The following POR variants were observed in gnomAD, a reference collection of about 807,000 sequenced individuals.
The protein encoded by POR is cytochrome p450 oxidoreductase, also known as NADPH--cytochrome P450 reductase.
Under a neutral mutation model 84.0 loss-of-function variants are expected in POR, and 56 were observed. The observed-to-expected ratio is 0.67, with a 90% confidence interval of 0.54 to 0.83. The LOEUF (loss-of-function observed/expected upper bound fraction) is 0.83. Among genes scored for constraint, POR ranks in the 40% least tolerant of loss-of-function variants. POR has a pLI of 0.00. For missense variants in POR, 938 were observed against 944.3 expected, an observed-to-expected ratio of 0.99 and a Z score of 0.09; for synonymous variants, 414 against 400.5, an observed-to-expected ratio of 1.03 and a Z score of -0.40.
intron 1 of POR, among the ~76,000 whole-genome samples, chr7:75,946,567 C>A (rs1787182982): frequency 1.3e-5 from 2 of 152,238 alleles, no homozygotes; most frequent in Admixed American, 1.3e-4. Context: ...AGATTAAAGG[C>A]ATGAGCCACT....
At chr7:75,958,794 C>T (rs1554554106) in intron 2 of POR, among the ~76,000 whole-genome samples, 1 of 128,150 alleles carries the variant, frequency 7.8e-6, no homozygotes. Flanking sequence ...GCCTGAGCAA[C>T]ATAGGGAGAC....
intron 2 of POR, among the ~76,000 whole-genome samples, chr7:75,954,418 G>A (rs979786577): frequency 3.3e-5 from 5 of 152,282 alleles, no homozygotes; most frequent in African/African-American, 4.8e-5. Flanking sequence ...GAAGCACTGC[G>A]AAAATGACAC....
chr7:75,917,383 C>CTTTTTTTTTTTTTTTTTTTTTTTTTTTTT (rs373478392), intron 1 of POR, among the ~76,000 whole-genome samples: 1 of 115,262 alleles, frequency 8.7e-6, no homozygotes, highest in Non-Finnish European at 1.6e-5. Context: ...ATTTCTTCTT[C>CTTTTTTTTTTTTTTTTTTTTTTTTTTTTT]TTTTTTTTTT....
At chr7:75,967,675 G>A (rs868957588) in intron 2 of POR, among the ~76,000 whole-genome samples, 4 of 151,720 alleles carry the variant, frequency 2.6e-5, no homozygotes, top group South Asian at 2.1e-4. Flanking sequence ...CGGGGAGGGC[G>A]TGGGGAGAAG....
At position 75,983,726 on chromosome 7, in the gene POR, A is replaced by G. The variant is rs1789214529; in HGVS notation, c.948-12A>G. On this transcript the variant is annotated splice_polypyrimidine_tract_variant and intron_variant, in intron 9 of 15. Transcript: ENST00000461988. ...GCCTTCCGCCCCTCCCGAGCCTCACATCTCCCTCCAGGTATGAATCTGGGG... is the reference window on the plus strand; with the variant it reads ...GCCTTCCGCCCCTCCCGAGCCTCACGTCTCCCTCCAGGTATGAATCTGGGG... The G allele has an allele frequency of 1.2e-6, 2 of 1,611,154 alleles. No individual in the cohort carries two copies. The highest frequency in any genetic ancestry group is 1.7e-6 in the Non-Finnish European group (2 of 1,178,840).
In POR at chr7:75,924,401, G is replaced by A. The variant is rs560850719; in HGVS notation, c.-5+9222G>A. ...ATTTGTTTATTTTAAAAATCCTAGGGCCTGGCACAGTGGCTCATGCTTATA... is the reference window on the plus strand; with the variant it reads ...ATTTGTTTATTTTAAAAATCCTAGGACCTGGCACAGTGGCTCATGCTTATA... On this transcript the variant is annotated intron_variant, in intron 1 of 15. Coordinates refer to ENST00000461988, the MANE Select transcript of POR (RefSeq NM_000941.3). 9.8e-5 allele frequency among the ~76,000 whole-genome samples: 15 copies of A among 152,286 alleles called. No individual in the cohort carries two copies. In the East Asian group the frequency reaches 2.9e-3, roughly 29 times the overall value.
At chr7:75,970,268 A>G (rs1481734763) in intron 2 of POR, among the ~76,000 whole-genome samples, 6 of 152,116 alleles carry the variant, frequency 3.9e-5, no homozygotes, top group Admixed American at 3.3e-4. Context: ...CGGGCCCCAC[A>G]TGTACCACTT....
At chr7:75,981,954 C>G in intron 7 of POR, 1 of 569,080 alleles carries the variant, frequency 1.8e-6, no homozygotes, top group African/African-American at 1.9e-5. Flanking sequence ...GGGTGCTGCC[C>G]GGGCTTCCTT....
At chr7:75,968,210 G>A (rs1554555599) in intron 2 of POR, 1 of 465,512 alleles carries the variant, frequency 2.1e-6, no homozygotes, top group Admixed American at 2.3e-5. Context: ...ACTCGAGTGT[G>A]GGAGACTTCC....
chr7:75,983,689 G>C (rs782133385), intron 9 of POR, 49 bp from the exon 10 acceptor site: 1 of 1,607,004 alleles, frequency 6.2e-7, no homozygotes, highest in Admixed American at 1.7e-5. Context: ...CTCCTGACCT[G>C]GGGCAGGGCC....
At chr7:75,984,094 T>C (rs1789255731) in intron 10 of POR, among the ~76,000 whole-genome samples, 1 of 151,864 alleles carries the variant, frequency 6.6e-6, no homozygotes, top group Non-Finnish European at 1.5e-5. Context: ...TTTAAGGGAG[T>C]GAGGTGCTGA....
rs41301442 is a variant in POR, at chr7:75,986,397, C to T, written c.1959C>T (p.Leu653=). Residue 653 remains leucine (L), a synonymous_variant, in exon 16 of 16, where the codon CTC becomes CTT. Coordinates refer to ENST00000461988, the MANE Select transcript of POR (RefSeq NM_000941.3). The stretch of plus-strand genomic sequence containing the variant: ...CCTTCTACGACATCGTGGCTGAGCT[C>T]GGGGCCATGGAGCACGCGCAGGCGG... 99 of 1,612,578 alleles carry T rather than the reference C, an allele frequency of 6.1e-5. No individual in the cohort carries two copies. Among genetic ancestry groups the T allele is most frequent in the African/African-American group, 1.1e-4 (8 of 75,044 alleles).
chr7:75,924,074 G>A lies in POR; in HGVS notation c.-5+8895G>A, dbSNP rs138965703. Among the ~76,000 whole-genome samples the A allele has an allele frequency of 6.7e-3, 1,015 of 152,160 alleles. 7 individuals carry two copies. Among genetic ancestry groups the A allele is most frequent in the Middle Eastern group, 0.024 (7 of 294 alleles). ...TTCTATCCTAGGGTTTAATGTTGGT[G>A]AATGAGTAACTCTAGCATTTGTACA... On this transcript the variant is annotated intron_variant, in intron 1 of 15. Coordinates refer to ENST00000461988, the MANE Select transcript of POR (RefSeq NM_000941.3).
At chr7:75,971,635 A>G (rs143576518) in intron 2 of POR, among the ~76,000 whole-genome samples, 1 of 152,252 alleles carries the variant, frequency 6.6e-6, no homozygotes, top group African/African-American at 2.4e-5. Context: ...TGAGGGCTGT[A>G]GTCCCAGGAA....
At chr7:75,975,244 T>C (rs1788625776) in intron 3 of POR, among the ~76,000 whole-genome samples, 1 of 152,210 alleles carries the variant, frequency 6.6e-6, no homozygotes, top group Non-Finnish European at 1.5e-5. Context: ...TGATGTAAGA[T>C]GTGAGGTATG....
At chr7:75,979,606 A>G (rs1554557345) in intron 4 of POR, 27 bp downstream of exon 4, 9 of 1,610,800 alleles carry the variant, frequency 5.6e-6, no homozygotes, top group Admixed American at 3.3e-5. Context: ...TGCTGGCCCC[A>G]GATGGAGGCA....
intron 1 of POR, among the ~76,000 whole-genome samples, chr7:75,944,223 A>G (rs1585097619): frequency 6.6e-6 from 1 of 152,192 alleles, no homozygotes; most frequent in Non-Finnish European, 1.5e-5. Flanking sequence ...GGTGACAGAC[A>G]ATATTTAATA....
chr7:75,916,945 G>T (rs1806598867), intron 1 of POR, among the ~76,000 whole-genome samples: 1 of 152,116 alleles, frequency 6.6e-6, no homozygotes, highest in African/African-American at 2.4e-5. Flanking sequence ...CAGAATCTGT[G>T]TTAGGTAAGT....
chr7:75,954,564 C>T (rs782231173), intron 2 of POR, among the ~76,000 whole-genome samples: 5 of 152,018 alleles, frequency 3.3e-5, no homozygotes, highest in Non-Finnish European at 5.9e-5. Context: ...GACATGGTCT[C>T]ACTGTATTGC....
Sources: allele counts gnomAD v4.1 joint callset (sites outside exome capture counted in the v4.1 genomes callset), GRCh38; gene constraint gnomAD v4.1.1; transcripts MANE v1.5; gene names NCBI Gene and HGNC (gene_info 2026-07-23, HGNC 2026-07-21).